DOCK1: variants seen among roughly 807,000 people sequenced by gnomAD.
DOCK1 encodes dedicator of cytokinesis 1.
In DOCK1, 138 loss-of-function variants were observed where a neutral mutation model predicts 262.7. The observed-to-expected ratio is 0.53, with a 90% CI of 0.46 to 0.61. The LOEUF is 0.61. Among genes scored for constraint, DOCK1 ranks in the 20% least tolerant of loss-of-function variants. The probability of loss-of-function intolerance (pLI) is 0.00; values close to 1 mark genes in which losing one functional copy is unlikely to be tolerated. For synonymous variants in DOCK1, 866 were observed against 867.4 expected (o/e 1.00, Z 0.03); for missense variants, 1,908 against 2,370.7 (o/e 0.80, Z 4.05).
intron 29 of DOCK1, among the ~76,000 whole-genome samples, chr10:127,266,180 A>T (rs2060347863): frequency 6.6e-6 from 1 of 152,206 alleles, no homozygotes; most frequent in Admixed American, 6.5e-5. Flanking sequence ...TCTGCATCCC[A>T]ATTAAGGGTG....
At chr10:127,358,958 T>C (rs1224210359) in intron 32 of DOCK1, among the ~76,000 whole-genome samples, 1 of 152,136 alleles carries the variant, frequency 6.6e-6, no homozygotes, top group Non-Finnish European at 1.5e-5. Context: ...CTAGATGGGC[T>C]ATGAGACCGG....
At chr10:127,338,043 G>A (rs2135720483) in intron 29 of DOCK1, among the ~76,000 whole-genome samples, 1 of 152,316 alleles carries the variant, frequency 6.6e-6, no homozygotes, top group Middle Eastern at 3.4e-3. Flanking sequence ...ACGCTTGGCT[G>A]AAGAGATAAT....
chr10:127,285,294 T>G (rs554720792), intron 29 of DOCK1, among the ~76,000 whole-genome samples: 1 of 152,354 alleles, frequency 6.6e-6, no homozygotes, highest in African/African-American at 2.4e-5. Flanking sequence ...TTTGATTAGA[T>G]TTGCATTAGA....
chr10:127,087,408 C>T (rs896200594), intron 23 of DOCK1, among the ~76,000 whole-genome samples: 4 of 152,094 alleles, frequency 2.6e-5, no homozygotes, highest in Non-Finnish European at 4.4e-5. Flanking sequence ...CGGGCTCAGA[C>T]GCTGATGCTA....
chr10:127,443,361 A>G (rs968519259), intron 49 of DOCK1, among the ~76,000 whole-genome samples: 8 of 152,330 alleles, frequency 5.3e-5, no homozygotes, highest in Admixed American at 2.6e-4. Context: ...TAAAAGTAGC[A>G]TGGACTCTGG....
intron 12 of DOCK1, among the ~76,000 whole-genome samples, chr10:127,017,258 CTCAGATAT>C (rs2042043195): frequency 2.1e-5 from 3 of 143,506 alleles, no homozygotes; most frequent in African/African-American, 8.0e-5. Context: ...GCCCCTTCCA[CTCAGATAT>C]ACATATAGAC....
intron 12 of DOCK1, among the ~76,000 whole-genome samples, chr10:127,018,213 T>G (rs1303551489): frequency 6.6e-6 from 1 of 152,212 alleles, no homozygotes; most frequent in African/African-American, 2.4e-5. Flanking sequence ...CCCTGCAGAC[T>G]GGTGCTCCAC....
intron 25 of DOCK1, among the ~76,000 whole-genome samples, chr10:127,119,998 A>C (rs2049448450): frequency 6.6e-6 from 1 of 152,206 alleles, no homozygotes; most frequent in Non-Finnish European, 1.5e-5. Context: ...CAGATGTTGA[A>C]TTATTGCTGT....
At chr10:127,233,312 T>C (rs901419617) in intron 27 of DOCK1, among the ~76,000 whole-genome samples, 2 of 152,334 alleles carry the variant, frequency 1.3e-5, no homozygotes, top group East Asian at 3.9e-4. Context: ...ATTATGTCCG[T>C]ATAAACATAA....
At chr10:127,206,886 C>T (rs962844050) in intron 27 of DOCK1, among the ~76,000 whole-genome samples, 4 of 152,160 alleles carry the variant, frequency 2.6e-5, no homozygotes, top group African/African-American at 9.7e-5. Context: ...TCTTTCAGTA[C>T]GTCTGAAGGT....
At position 127,249,430 on chromosome 10, in the gene DOCK1, TATACACAC is replaced by T. The variant is rs1224600869; in HGVS notation, c.2949+1323_2949+1330del. Among the ~76,000 whole-genome samples the T allele has an allele frequency of 3.9e-3, 517 of 131,994 alleles. 2 individuals carry two copies. The highest frequency in any genetic ancestry group is 8.9e-3 in the African/African-American group (313 of 35,218). The allele number at this position is 131,994 out of a possible 152,430, so 86.6% of individuals were successfully genotyped here. On this transcript the variant is annotated intron_variant, in intron 28 of 51. Transcript: ENST00000623213. ...ATATATATATACATGTACATATATATATACACACACACACACACACACACACACACACG... is the reference window on the plus strand; with the variant it reads ...ATATATATATACATGTACATATATATACACACACACACACACACACACACG...
At chr10:127,171,177 T>C (rs1317903582) in intron 27 of DOCK1, among the ~76,000 whole-genome samples, 1 of 152,198 alleles carries the variant, frequency 6.6e-6, no homozygotes, top group Non-Finnish European at 1.5e-5. Context: ...CGAAGCCATT[T>C]GGAAATCTAC....
intron 27 of DOCK1, among the ~76,000 whole-genome samples, chr10:127,209,435 T>A (rs1156280401): frequency 6.6e-6 from 1 of 152,180 alleles, no homozygotes; most frequent in African/African-American, 2.4e-5. Context: ...AGAGCAGAGC[T>A]AAGGACTGGG....
At chr10:127,429,003 A>ATGCCGTGTGGATTGGGG (rs1175837561) in intron 47 of DOCK1, among the ~76,000 whole-genome samples, 1 of 35,922 alleles carries the variant, frequency 2.8e-5, no homozygotes, top group South Asian at 1.1e-3. Context: ...GTGGATTGGG[A>ATGCCGTGTGGATTGGGG]TGCCGTGTGG....
chr10:127,008,651 T>C, intron 10 of DOCK1, 81 bp from the exon 11 acceptor site: 1 of 1,200,850 alleles, frequency 8.3e-7, no homozygotes, highest in Non-Finnish European at 1.2e-6. Context: ...CCAGAAGATA[T>C]TCTGATGTTC....
chr10:127,121,455 A>ATATGTGTGTGTGTGTGTGTGTG (rs139656728), intron 25 of DOCK1, among the ~76,000 whole-genome samples: 3 of 148,260 alleles, frequency 2.0e-5, no homozygotes, highest in African/African-American at 7.4e-5. Flanking sequence ...GTATATGTAT[A>ATATGTGTGTGTGTGTGTGTGTG]TGTGTGTGTG....
intron 11 of DOCK1, among the ~76,000 whole-genome samples, chr10:127,011,381 C>T (rs4751179): frequency 7.2e-5 from 11 of 152,186 alleles, no homozygotes; most frequent in East Asian, 1.9e-4. Context: ...AACTTGGTGA[C>T]GTAAATGACA....
chr10:127,051,767 G>C (rs1187899688), intron 21 of DOCK1, among the ~76,000 whole-genome samples: 1 of 152,010 alleles, frequency 6.6e-6, no homozygotes, highest in Non-Finnish European at 1.5e-5. Flanking sequence ...ATTTTTTCTG[G>C]AGGCAGGGTT....
intron 12 of DOCK1, among the ~76,000 whole-genome samples, chr10:127,017,633 C>G (rs557415220): frequency 6.6e-6 from 1 of 152,090 alleles, no homozygotes; most frequent in East Asian, 1.9e-4. Flanking sequence ...GCGCGCATAC[C>G]CATGCTAGTA....
Sources: gnomAD v4.1 joint callset for allele counts (sites outside exome capture counted in the v4.1 genomes callset) on GRCh38, gnomAD v4.1.1 for gene constraint, MANE v1.5 for transcripts, NCBI Gene and HGNC (gene_info 2026-07-23, HGNC 2026-07-21) for gene names.